MROH1: variants seen among roughly 807,000 people sequenced by gnomAD.
MROH1 encodes maestro heat-like repeat-containing protein family member 1.
Under a neutral mutation model 116.5 loss-of-function variants are expected in MROH1, and 117 were observed. The observed-to-expected ratio is 1.00, with a 90% CI of 0.86 to 1.17. The LOEUF is 1.17. Ranked by LOEUF, MROH1 falls within the 50% of genes most tolerant of loss-of-function variation. The probability of loss-of-function intolerance (pLI) is 0.00; values close to 1 mark genes in which losing one functional copy is unlikely to be tolerated. For missense variants in MROH1, 1,873 were observed against 1,338.5 expected (o/e 1.40, Z -6.23); for synonymous variants, 921 against 583.9 (o/e 1.58, Z -8.32).
intron 12 of MROH1, chr8:144,214,389 A>G (rs374721311): frequency 6.6e-6 from 1 of 152,226 alleles, no homozygotes; most frequent in African/African-American, 2.4e-5. Context: ...TGTCTTTTCC[A>G]TTAGGACATA....
intron 35 of MROH1, among the ~76,000 whole-genome samples, chr8:144,258,486 T>C (rs1844346943): frequency 1.3e-5 from 2 of 152,136 alleles, no homozygotes; most frequent in African/African-American, 4.8e-5. Context: ...GGAAGGCCGG[T>C]GCAGCCAGAG....
chr8:144,234,185 AT>A (rs1554823778), intron 14 of MROH1, among the ~76,000 whole-genome samples: 1 of 151,782 alleles, frequency 6.6e-6, no homozygotes, highest in Non-Finnish European at 1.5e-5. Context: ...AATTTTTTGT[AT>A]TTTTAGTAGA....
rs975370928 is a variant in MROH1, at chr8:144,240,934, G to A, written c.1936-58G>A. 7.5e-4 allele frequency: 536 copies of A among 716,482 alleles called. 13 individuals are homozygous for A. The East Asian group carries it at 0.013, about 17-fold the overall frequency. 44.4% of individuals were successfully genotyped at this position (716,482 alleles called of 1,614,324 possible). A position where few individuals can be genotyped will look rare whatever the true frequency, so the allele number is the denominator to read the frequency against. The stretch of plus-strand genomic sequence containing the variant: ...ACCCCAGGGGCAGCCCCATGGCAGC[G>A]CTGGGTCTCCCTGTACTCAGGAGTC... On this transcript the variant is annotated intron_variant, in intron 20 of 43. Coordinates refer to ENST00000326134, the MANE Select transcript of MROH1 (RefSeq NM_032450.3).
intron 3 of MROH1, among the ~76,000 whole-genome samples, chr8:144,164,211 C>T (rs1362572932): frequency 4.6e-5 from 7 of 151,432 alleles, no homozygotes; most frequent in Non-Finnish European, 7.4e-5. Context: ...TTGAGACCAG[C>T]CTGACCAACA....
intron 4 of MROH1, among the ~76,000 whole-genome samples, chr8:144,173,609 G>A (rs1362352828): frequency 6.6e-6 from 1 of 151,780 alleles, no homozygotes; most frequent in African/African-American, 2.4e-5. Flanking sequence ...TGTATTTTTA[G>A]TACAGGTGGG....
At chr8:144,193,901 G>A (rs750191675) in intron 10 of MROH1, among the ~76,000 whole-genome samples, 3 of 151,932 alleles carry the variant, frequency 2.0e-5, no homozygotes, top group Non-Finnish European at 4.4e-5. Context: ...GAGCCACGGA[G>A]CCCAGCCAAG....
intron 10 of MROH1, among the ~76,000 whole-genome samples, chr8:144,197,472 G>T (rs1830182536): frequency 8.9e-6 from 1 of 112,354 alleles, no homozygotes; most frequent in Admixed American, 1.2e-4. Context: ...ATCTTGCTCT[G>T]TCACCCAGGC....
In MROH1 at chr8:144,240,974, T is replaced by C; in HGVS notation, c.1936-18T>C. The C allele has an allele frequency of 1.4e-6, 1 of 738,882 alleles. No individual in the cohort carries two copies. The highest frequency in any genetic ancestry group is 2.5e-6 in the Non-Finnish European group (1 of 397,780). The allele number at this position is 738,882 out of a possible 1,614,324, so 45.8% of individuals were successfully genotyped here. On this transcript the variant is annotated intron_variant, in intron 20 of 43. Transcript: ENST00000326134. ...ACTCAGGAGTCAGGCAGAGCCGTGT[T>C]CTCTGGTTTTGTTTCAGAACTTCCT...
intron 35 of MROH1, among the ~76,000 whole-genome samples, chr8:144,257,572 C>G (rs1039073473): frequency 5.3e-5 from 8 of 152,226 alleles, no homozygotes; most frequent in African/African-American, 1.9e-4. Context: ...TTGTCTCATG[C>G]TCCTGTGCCC....
At chr8:144,250,594 G>C (rs1842694368) in intron 33 of MROH1, 1 of 613,570 alleles carries the variant, frequency 1.6e-6, no homozygotes. Flanking sequence ...GGCTCCGGTG[G>C]GCCCTGCACA....
At chr8:144,216,684 CTTTTTTT>C (rs71320815) in intron 12 of MROH1, among the ~76,000 whole-genome samples, 15 of 142,926 alleles carry the variant, frequency 1.0e-4, no homozygotes, top group African/African-American at 3.7e-4. Flanking sequence ...TTTTTTACTG[CTTTTTTT>C]TTTTTTTTTT....
At chr8:144,260,536 C>A in intron 39 of MROH1, 141 bp from the exon 40 acceptor site, 1 of 740,690 alleles carries the variant, frequency 1.4e-6, no homozygotes, top group Non-Finnish European at 2.5e-6. Context: ...GGCCTGGCAG[C>A]CCCCACCCGT....
intron 43 of MROH1, 105 bp downstream of exon 43, chr8:144,261,454 T>G: frequency 1.4e-6 from 1 of 699,146 alleles, no homozygotes; most frequent in Non-Finnish European, 2.6e-6. Flanking sequence ...TCCCTGTCAC[T>G]GGTGACCTCA....
chr8:144,163,459 G>A lies in MROH1; in HGVS notation c.-56-312G>A, dbSNP rs965342611. On this transcript the variant is annotated intron_variant, in intron 2 of 43. Transcript: ENST00000326134. This position sits in a 1 kb window ranked among gnomAD's most constrained non-coding sequence, Gnocchi z 4.4. ...CAGTGTGGAGGAGGATGCTGTAGGTGGAGGTGCATCCACTCCTGCTGGGGC... is the reference window on the plus strand; with the variant it reads ...CAGTGTGGAGGAGGATGCTGTAGGTAGAGGTGCATCCACTCCTGCTGGGGC... Among the ~76,000 whole-genome samples the A allele has an allele frequency of 2.0e-5, 3 of 152,180 alleles. No individual in the cohort carries two copies. The highest frequency in any genetic ancestry group is 2.0e-4 in the Admixed American group (3 of 15,270).
intron 4 of MROH1, among the ~76,000 whole-genome samples, chr8:144,173,712 T>G (rs1449145817): frequency 6.6e-6 from 1 of 152,172 alleles, no homozygotes; most frequent in South Asian, 2.1e-4. Context: ...CCTGAGCCAC[T>G]CCGCCCAGCC....
chr8:144,225,604 T>C (rs1227268745), intron 14 of MROH1, among the ~76,000 whole-genome samples: 1 of 152,108 alleles, frequency 6.6e-6, no homozygotes, highest in African/African-American at 2.4e-5. Flanking sequence ...CAGGCTGGAG[T>C]GCAGTGGTGC....
At chr8:144,223,725 A>C (rs1837276502) in intron 14 of MROH1, among the ~76,000 whole-genome samples, 1 of 152,230 alleles carries the variant, frequency 6.6e-6, no homozygotes. Flanking sequence ...TGGTCTAGAC[A>C]GCCCTCTGTC....
At chr8:144,206,438 T>G (rs1832824281) in intron 12 of MROH1, among the ~76,000 whole-genome samples, 2 of 151,240 alleles carry the variant, frequency 1.3e-5, no homozygotes, top group South Asian at 4.2e-4. Flanking sequence ...TTTTTTTTTT[T>G]TGAGACATAG....
At position 144,260,926 on chromosome 8, in the gene MROH1, G is replaced by A. The variant is rs1289601818; in HGVS notation, c.4556G>A (p.Arg1519His). 3 of 777,546 alleles carry A rather than the reference G, an allele frequency of 3.9e-6. No individual in the cohort carries two copies. Among genetic ancestry groups the A allele is most frequent in the African/African-American group, 3.4e-5 (2 of 59,210 alleles). The allele number at this position is 777,546 out of a possible 1,614,324, so 48.2% of individuals were successfully genotyped here. A position where few individuals can be genotyped will look rare whatever the true frequency, so the allele number is the denominator to read the frequency against. The change falls in exon 41 of 44, where the codon CGC becomes CAC. Residue 1519 changes from arginine (R) to histidine (H), a missense_variant. Transcript: ENST00000326134. Reference sequence around the variant, plus strand: ...CCTTAGGCCTGCAGGTTTGCCCTGCGCATGTGTGGCCCCAATCTGGCATGT... The same window carrying A: ...CCTTAGGCCTGCAGGTTTGCCCTGCACATGTGTGGCCCCAATCTGGCATGT... ...TVASACRFAL[R>H]MCGPNLACEE...
Sources: gnomAD v4.1 joint callset for allele counts (sites outside exome capture counted in the v4.1 genomes callset) on GRCh38, gnomAD v4.1.1 for gene constraint, Gnocchi (gnomAD v3.1) non-coding constraint, MANE v1.5 for transcripts, NCBI Gene and HGNC (gene_info 2026-07-23, HGNC 2026-07-21) for gene names.